EPHX4: variants seen among roughly 807,000 people sequenced by gnomAD.
EPHX4 encodes the protein abhydrolase domain containing 7.
EPHX4 carries 31 observed loss-of-function variants against 44.9 expected under a neutral mutation model. The observed-to-expected ratio is 0.69, with a 90% CI of 0.52 to 0.93. The LOEUF (loss-of-function observed/expected upper bound fraction) is 0.93, where lower values mean the gene tolerates loss of function less well. EPHX4 is among the 40% of genes least tolerant of loss of function. EPHX4 has a pLI of 0.00. For synonymous variants in EPHX4, 151 were observed against 159.7 expected, an observed-to-expected ratio of 0.95 and a Z score of 0.41; for missense variants, 373 against 438.1, an observed-to-expected ratio of 0.85 and a Z score of 1.33.
At position 92,062,584 on chromosome 1, in the gene EPHX4, C is replaced by CAAA. The variant is rs1167530513; in HGVS notation, c.858-447_858-445dup. 1.1e-3 allele frequency among the ~76,000 whole-genome samples: 22 copies of CAAA among 20,078 alleles called. 1 individual carries two copies. Among genetic ancestry groups the CAAA allele is most frequent in the African/African-American group, 2.0e-3 (16 of 7,948 alleles). 13.2% of individuals were successfully genotyped at this position (20,078 alleles called of 152,430 possible). On this transcript the variant is annotated intron_variant, in intron 6 of 6. Transcript: ENST00000370383. ...TGGGTGACAGAGTGAAACTCCATCT[C>CAAA]AAAAAAAAAAAAAAAAAAAAAAAAA...
chr1:92,042,548 A>G (rs186751523), intron 2 of EPHX4, among the ~76,000 whole-genome samples: 1 of 151,774 alleles, frequency 6.6e-6, no homozygotes, highest in African/African-American at 2.4e-5. Flanking sequence ...ACATAGGGAG[A>G]CCCCGTGTCT....
At chr1:92,034,467 A>G (rs1688408116) in intron 2 of EPHX4, among the ~76,000 whole-genome samples, 1 of 152,060 alleles carries the variant, frequency 6.6e-6, no homozygotes, top group Non-Finnish European at 1.5e-5. Flanking sequence ...TATCTGGTAT[A>G]TTTTGAAAGG....
chr1:92,048,703 T>A (rs1688616151), intron 4 of EPHX4, among the ~76,000 whole-genome samples: 1 of 150,406 alleles, frequency 6.6e-6, no homozygotes, highest in Admixed American at 6.6e-5. Context: ...AAGCATAGAC[T>A]TTTTTTCCCA....
chr1:92,057,010 G>T lies in EPHX4; in HGVS notation c.857+4352G>T, dbSNP rs1288148786. Among the ~76,000 whole-genome samples the T allele has an allele frequency of 2.0e-5, 3 of 151,946 alleles. No homozygotes were observed. In the East Asian group the frequency reaches 5.8e-4, roughly 29 times the overall value. ...AAATTAGTAAAAACTTAGAAAAAATGATATTTCAAAACATGAGGAATAGTT... is the reference window on the plus strand; with the variant it reads ...AAATTAGTAAAAACTTAGAAAAAATTATATTTCAAAACATGAGGAATAGTT... On this transcript the variant is annotated intron_variant, in intron 6 of 6. Transcript: ENST00000370383.
chr1:92,030,276 C>A lies in EPHX4; in HGVS notation c.197C>A (p.Pro66His). ...CACCCTCCCGCGTGCCTGAGCGACC[C>A]CTCCTTGGGCACCCACTGCTACGTG... ...REHPPACLSD[P>H]SLGTHCYVRI... Residue 66 changes from proline (P) to histidine (H), a missense_variant, in exon 1 of 7, where the codon CCC becomes CAC. Coordinates refer to ENST00000370383, the MANE Select transcript of EPHX4 (RefSeq NM_173567.5). 1.3e-6 allele frequency: 2 copies of A among 1,597,538 alleles called. No individual in the cohort carries two copies. The highest frequency in any genetic ancestry group is 1.7e-6 in the Non-Finnish European group (2 of 1,172,754).
At chr1:92,058,621 G>A (rs1245197019) in intron 6 of EPHX4, among the ~76,000 whole-genome samples, 5 of 152,054 alleles carry the variant, frequency 3.3e-5, no homozygotes, top group Admixed American at 6.6e-5. Flanking sequence ...GGATAAGCCT[G>A]CATCTGCTGA....
chr1:92,042,558 T>A (rs1474974218), intron 2 of EPHX4, among the ~76,000 whole-genome samples: 3 of 151,834 alleles, frequency 2.0e-5, no homozygotes, highest in Non-Finnish European at 4.4e-5. Context: ...ACCCCGTGTC[T>A]ACAAAAAATT....
chr1:92,051,445 T>C (rs187127815), intron 5 of EPHX4, among the ~76,000 whole-genome samples: 22 of 152,074 alleles, frequency 1.4e-4, no homozygotes, highest in Non-Finnish European at 1.2e-4. Context: ...GCCTTCTTTC[T>C]TTTTTTTCTA....
chr1:92,043,017 G>A, intron 3 of EPHX4, 37 bp downstream of exon 3: 1 of 1,491,752 alleles, frequency 6.7e-7, no homozygotes, highest in Admixed American at 2.0e-5. Flanking sequence ...CTTTTTAAGG[G>A]ACAAACATTC....
At chr1:92,060,545 A>G (rs1223178470) in intron 6 of EPHX4, among the ~76,000 whole-genome samples, 2 of 152,116 alleles carry the variant, frequency 1.3e-5, no homozygotes, top group Non-Finnish European at 2.9e-5. Context: ...TTCAGTGAAA[A>G]CCATAAGAAA....
At chr1:92,040,969 A>G (rs1688500571) in intron 2 of EPHX4, among the ~76,000 whole-genome samples, 1 of 147,998 alleles carries the variant, frequency 6.8e-6, no homozygotes. Flanking sequence ...TCCATGAACA[A>G]ATGTGCATGC....
intron 6 of EPHX4, among the ~76,000 whole-genome samples, chr1:92,058,391 A>G (rs564801051): frequency 3.9e-4 from 60 of 151,914 alleles, no homozygotes; most frequent in African/African-American, 1.3e-3. Flanking sequence ...TGGTGAGCCA[A>G]GGTCGCGCCA....
chr1:92,062,254 T>C (rs1434007367), intron 6 of EPHX4, among the ~76,000 whole-genome samples: 1 of 151,910 alleles, frequency 6.6e-6, no homozygotes, highest in Non-Finnish European at 1.5e-5. Context: ...AATCTCTCTT[T>C]CATTACACCA....
At chr1:92,030,497 A>AT (rs1688344688) in intron 1 of EPHX4, among the ~76,000 whole-genome samples, 187 bp downstream of exon 1, 3 of 35,978 alleles carry the variant, frequency 8.3e-5, no homozygotes, top group African/African-American at 2.3e-4. Flanking sequence ...AGAGAGAGAG[A>AT]GAGAGAGAGA....
intron 3 of EPHX4, chr1:92,043,344 C>G (rs1688537182): frequency 6.5e-6 from 1 of 153,886 alleles, no homozygotes; most frequent in African/African-American, 2.4e-5. Flanking sequence ...AACCCTGTCT[C>G]TACTAAAAAT....
At chr1:92,048,091 A>G in intron 4 of EPHX4, among the ~76,000 whole-genome samples, 1 of 152,270 alleles carries the variant, frequency 6.6e-6, no homozygotes, top group South Asian at 2.1e-4. Flanking sequence ...AGAACCACAT[A>G]TTTCTATTTC....
chr1:92,047,200 A>G (rs1688594607), intron 4 of EPHX4, among the ~76,000 whole-genome samples: 1 of 152,162 alleles, frequency 6.6e-6, no homozygotes, highest in Non-Finnish European at 1.5e-5. Context: ...CTGACTGATG[A>G]TTGGTTGTTA....
intron 4 of EPHX4, among the ~76,000 whole-genome samples, chr1:92,049,891 A>G (rs377350128): frequency 1.6e-3 from 247 of 152,210 alleles, no homozygotes; most frequent in African/African-American, 5.8e-3. Context: ...CTGAGTCAGG[A>G]GTTCGAAACC....
Position 92,060,426 on chromosome 1 carries a change from G to A in EPHX4, c.858-2629G>A, listed in dbSNP as rs115957883. 4.3e-3 allele frequency among the ~76,000 whole-genome samples: 641 copies of A among 148,566 alleles called. 2 individuals carry two copies. Among genetic ancestry groups the A allele is most frequent in the Admixed American group, 6.0e-3 (89 of 14,934 alleles). On this transcript the variant is annotated intron_variant, in intron 6 of 6. Transcript: ENST00000370383. ...CAGTGCACTCTAGCCTGGGTGATACGTCAAGACCCTGTCTCAAAAAAAAAA... is the reference window on the plus strand; with the variant it reads ...CAGTGCACTCTAGCCTGGGTGATACATCAAGACCCTGTCTCAAAAAAAAAA...
Sources: allele counts gnomAD v4.1 joint callset (sites outside exome capture counted in the v4.1 genomes callset), GRCh38; gene constraint gnomAD v4.1.1; transcripts MANE v1.5; gene names NCBI Gene and HGNC (gene_info 2026-07-23, HGNC 2026-07-21).